MARK3: variants seen among roughly 807,000 people sequenced by gnomAD.
MARK3 encodes the protein MAP/microtubule affinity-regulating kinase 3.
MARK3 carries 46 observed loss-of-function variants against 90.1 expected under a neutral mutation model. The observed-to-expected ratio is 0.51, with a 90% CI of 0.40 to 0.65. The LOEUF is 0.65. Ranked by LOEUF, MARK3 falls within the 30% of genes least tolerant of loss-of-function variation. MARK3 has a pLI of 0.00. For missense variants in MARK3, 818 were observed against 947.2 expected, an observed-to-expected ratio of 0.86 and a Z score of 1.79; for synonymous variants, 321 against 332.6, an observed-to-expected ratio of 0.97 and a Z score of 0.38.
intron 1 of MARK3, among the ~76,000 whole-genome samples, chr14:103,404,165 A>G (rs959917666): frequency 6.6e-6 from 1 of 152,246 alleles, no homozygotes; most frequent in Admixed American, 6.5e-5. Context: ...TGAGTAAATT[A>G]CAAAGCAGTT....
At chr14:103,477,384 C>T (rs768289890) in intron 13 of MARK3, among the ~76,000 whole-genome samples, 9 of 151,794 alleles carry the variant, frequency 5.9e-5, no homozygotes, top group Non-Finnish European at 1.2e-4. Context: ...CCTAGCTATT[C>T]GGGAGGCTGA....
At chr14:103,389,805 G>A (rs1313067617) in intron 1 of MARK3, among the ~76,000 whole-genome samples, 1 of 151,542 alleles carries the variant, frequency 6.6e-6, no homozygotes, top group East Asian at 1.9e-4. Flanking sequence ...TTAGCCGGGT[G>A]CGGTGGCGGG....
Position 103,464,590 on chromosome 14 carries a change from G to A in MARK3, c.541-967G>A, listed in dbSNP as rs143225869. 1.4e-3 allele frequency among the ~76,000 whole-genome samples: 219 copies of A among 152,126 alleles called. 1 individual carries two copies. Among genetic ancestry groups the A allele is most frequent in the African/African-American group, 5.1e-3 (212 of 41,504 alleles). On this transcript the variant is annotated intron_variant, in intron 7 of 17. Coordinates refer to ENST00000429436, the MANE Select transcript of MARK3 (RefSeq NM_001128918.3). ...GCTGTGATTACAGGCGTGAGCCACC[G>A]CACCCAGCCATGATTTGACTCTTGA...
At chr14:103,453,228 C>T (rs910267050) in intron 5 of MARK3, among the ~76,000 whole-genome samples, 1 of 152,166 alleles carries the variant, frequency 6.6e-6, no homozygotes, top group East Asian at 1.9e-4. Context: ...TTTGCGACCA[C>T]ACGTGAGTTT....
intron 12 of MARK3, among the ~76,000 whole-genome samples, chr14:103,469,995 A>G (rs1246532654): frequency 6.6e-6 from 1 of 150,454 alleles, no homozygotes; most frequent in Non-Finnish European, 1.5e-5. Flanking sequence ...TGGGAGGCAG[A>G]GGTTGCAGTG....
chr14:103,413,405 T>A (rs910275673), intron 2 of MARK3, among the ~76,000 whole-genome samples: 25 of 150,320 alleles, frequency 1.7e-4, no homozygotes, highest in Non-Finnish European at 3.2e-4. Context: ...GAAAATTAAG[T>A]TTATATTGTT....
chr14:103,495,030 T>C (rs1031759235), intron 15 of MARK3, among the ~76,000 whole-genome samples: 3 of 152,194 alleles, frequency 2.0e-5, no homozygotes, highest in East Asian at 1.9e-4. Flanking sequence ...ATGAGTATCA[T>C]ATATATACAC....
At chr14:103,462,292 G>T in intron 6 of MARK3, 113 bp from the exon 7 acceptor site, 1 of 655,936 alleles carries the variant, frequency 1.5e-6, no homozygotes, top group Non-Finnish European at 2.5e-6. Context: ...AAATCCACAC[G>T]GACATTCGAG....
At chr14:103,406,068 AT>A (rs1050711712) in intron 2 of MARK3, among the ~76,000 whole-genome samples, 1 of 150,064 alleles carries the variant, frequency 6.7e-6, no homozygotes, top group Non-Finnish European at 1.5e-5. Flanking sequence ...TGTTTAAAAA[AT>A]TTTTTTGTAG....
intron 2 of MARK3, among the ~76,000 whole-genome samples, chr14:103,414,149 CTCTGG>C (rs2091825082): frequency 6.6e-6 from 1 of 151,746 alleles, no homozygotes; most frequent in Admixed American, 6.6e-5. Context: ...AACCTAAAGC[CTCTGG>C]TCTGGTCTGT....
intron 3 of MARK3, among the ~76,000 whole-genome samples, chr14:103,448,617 T>G (rs576607991): frequency 6.6e-6 from 1 of 152,326 alleles, no homozygotes; most frequent in South Asian, 2.1e-4. Context: ...TATTCCTGCG[T>G]AAGTCTGATC....
intron 3 of MARK3, among the ~76,000 whole-genome samples, 199 bp downstream of exon 3, chr14:103,428,639 C>T (rs1440378378): frequency 2.6e-5 from 4 of 151,946 alleles, no homozygotes; most frequent in Non-Finnish European, 5.9e-5. Flanking sequence ...TTTAAATGTT[C>T]TTAACAGCAC....
At chr14:103,498,409 TTTTC>T in intron 15 of MARK3, 89 bp from the exon 16 acceptor site, 1 of 943,754 alleles carries the variant, frequency 1.1e-6, no homozygotes, top group Non-Finnish European at 1.5e-6. Context: ...GCTTTGTTTT[TTTTC>T]TTTCTCTCTG....
intron 17 of MARK3, 140 bp downstream of exon 17, chr14:103,500,340 G>T: frequency 1.6e-6 from 1 of 629,264 alleles, no homozygotes; most frequent in South Asian, 2.0e-5. Context: ...GCCACAAGGG[G>T]GCGCCAGCCT....
intron 2 of MARK3, among the ~76,000 whole-genome samples, chr14:103,419,257 C>T (rs1314578066): frequency 1.2e-4 from 18 of 152,100 alleles, no homozygotes; most frequent in Admixed American, 1.2e-3. Flanking sequence ...TACCACTGTA[C>T]TCCAGCCTGG....
chr14:103,465,754 A>C lies in MARK3; in HGVS notation c.738A>C (p.Leu246=), dbSNP rs779593387. 27 of 1,614,046 alleles carry C rather than the reference A, an allele frequency of 1.7e-5. No individual in the cohort carries two copies. Among genetic ancestry groups the C allele is most frequent in the Admixed American group, 5.0e-5 (3 of 59,994 alleles). ...VWSLGVILYT[L]VSGSLPFDGQ... ...GTCTGGGGGTCATTTTATACACACT[A>C]GTCAGTGGCTCACTTCCCTTTGATG... Residue 246 remains leucine, a synonymous_variant, in exon 8 of 18, where the codon CTA becomes CTC. Transcript: ENST00000429436.
chr14:103,467,771 C>A, intron 11 of MARK3: 1 of 250,160 alleles, frequency 4.0e-6, no homozygotes, highest in Non-Finnish European at 7.5e-6. Flanking sequence ...TGACGTAAAG[C>A]ATCAGATGAA....
chr14:103,479,004 T>C (rs774214272), intron 13 of MARK3, among the ~76,000 whole-genome samples: 12 of 152,206 alleles, frequency 7.9e-5, no homozygotes, highest in African/African-American at 1.7e-4. Flanking sequence ...CTATGTGGAC[T>C]TAAATGTTTT....
chr14:103,426,251 G>T (rs974478328), intron 2 of MARK3, among the ~76,000 whole-genome samples: 8 of 138,278 alleles, frequency 5.8e-5, no homozygotes, highest in African/African-American at 2.2e-4. Flanking sequence ...TTGTTATTTT[G>T]AAATCAATTG....
Sources: gnomAD v4.1 joint callset for allele counts (sites outside exome capture counted in the v4.1 genomes callset) on GRCh38, gnomAD v4.1.1 for gene constraint, MANE v1.5 for transcripts, NCBI Gene and HGNC (gene_info 2026-07-23, HGNC 2026-07-21) for gene names.